Variants in LMO3 observed in about 807,000 individuals in gnomAD.
LMO3 encodes the protein LIM domain only 3.
LMO3 carries 2 observed loss-of-function variants against 15.8 expected under a neutral mutation model. The ratio of observed to expected loss-of-function variants is 0.13; its 90% CI spans 0.05 to 0.40. The LOEUF is 0.40. Among genes scored for constraint, LMO3 ranks in the 10% least tolerant of loss-of-function variants. The pLI is 0.99. For synonymous variants in LMO3, 62 were observed against 63.8 expected (o/e 0.97, Z 0.13); for missense variants, 86 against 182.2 (o/e 0.47, Z 3.04).
At position 16,582,084 on chromosome 12, in the gene LMO3, T is replaced by TTAAA. The variant is rs1310118001; in HGVS notation, c.206+18570_206+18571insTTTA. Among the ~76,000 whole-genome samples the TTAAA allele has an allele frequency of 6.6e-6, 1 of 152,190 alleles. No homozygotes were observed. Among genetic ancestry groups the TTAAA allele is most frequent in the Non-Finnish European group, 1.5e-5 (1 of 68,022 alleles). ...GGCTTTTTCTTGGCTTTAATGGAAATTACTTTAGTATTTAGCTGTTTTATA... is the reference window on the plus strand; with the variant it reads ...GGCTTTTTCTTGGCTTTAATGGAAATTAAATACTTTAGTATTTAGCTGTTTTATA... On this transcript the variant is annotated intron_variant, in intron 2 of 3. Coordinates refer to ENST00000537304, the MANE Select transcript of LMO3 (RefSeq NM_018640.5). The surrounding 1 kb of genome is among the most constrained non-coding windows in gnomAD (Gnocchi z 4.1).
chr12:16,578,589 G>A (rs1001033388), intron 2 of LMO3, among the ~76,000 whole-genome samples: 4 of 152,072 alleles, frequency 2.6e-5, no homozygotes, highest in Non-Finnish European at 2.9e-5. Flanking sequence ...AGGCTGAGGC[G>A]GGTGGATCAC....
chr12:16,564,647 A>G (rs151125572), intron 2 of LMO3, among the ~76,000 whole-genome samples: 20 of 152,310 alleles, frequency 1.3e-4, no homozygotes, highest in African/African-American at 4.8e-4. Context: ...CCTCCAAGCT[A>G]TGTAAAGCAT....
Position 16,576,386 on chromosome 12 carries a change from A to C in LMO3, c.207-15848T>G, listed in dbSNP as rs1379064061. On this transcript the variant is annotated intron_variant, in intron 2 of 3. Transcript: ENST00000537304. The surrounding 1 kb of genome is among the most constrained non-coding windows in gnomAD (Gnocchi z 4.1). ...CTACTTTCACACCTGATGTCCTACC[A>C]CTCCTGCCTGCTGAGTTCCTACTAA... Among the ~76,000 whole-genome samples the C allele has an allele frequency of 6.6e-6, 1 of 150,910 alleles. No individual in the cohort carries two copies. Among genetic ancestry groups the C allele is most frequent in the Non-Finnish European group, 1.5e-5 (1 of 67,672 alleles).
chr12:16,608,731 A>G (rs2137762908), upstream of LMO3: 1 of 152,166 alleles, frequency 6.6e-6, no homozygotes, highest in South Asian at 2.1e-4. This position sits in a 1 kb window ranked among gnomAD's most constrained non-coding sequence, Gnocchi z 4.1. Flanking sequence ...GGAGAGACAG[A>G]GGAGAGAGAG....
intron 2 of LMO3, chr12:16,573,608 C>T (rs1307625275): frequency 6.6e-6 from 1 of 152,112 alleles, no homozygotes; most frequent in African/African-American, 2.4e-5. Context: ...GAATCAATCC[C>T]ATGAAAGCAA....
At chr12:16,571,027 GTA>G (rs1204194602) in intron 2 of LMO3, among the ~76,000 whole-genome samples, 1 of 151,810 alleles carries the variant, frequency 6.6e-6, no homozygotes, top group Non-Finnish European at 1.5e-5. Flanking sequence ...AAAACTTAAA[GTA>G]TAATAATAAT....
In LMO3 at chr12:16,589,659, T is replaced by C. The variant is rs1424138387; in HGVS notation, c.206+10996A>G. ...TCACTGACAAGATTATTTCAGATTA[T>C]TTAAACACCAAGCAAACTATCAGGT... On this transcript the variant is annotated intron_variant, in intron 2 of 3. Coordinates refer to ENST00000537304, the MANE Select transcript of LMO3 (RefSeq NM_018640.5). The surrounding 1 kb of genome is among the most constrained non-coding windows in gnomAD (Gnocchi z 4.2). The C allele has an allele frequency of 1.3e-5, 2 of 152,070 alleles. No individual in the cohort carries two copies. Among genetic ancestry groups the C allele is most frequent in the African/African-American group, 4.8e-5 (2 of 41,406 alleles). The allele number at this position is 152,070 out of a possible 1,614,324, so 9.4% of individuals were successfully genotyped here.
At position 16,584,225 on chromosome 12, in the gene LMO3, G is replaced by C. The variant is rs1943249972; in HGVS notation, c.206+16430C>G. ...TGGAGGATGCATTTTTTAGTAGTGA[G>C]TGGGGAGAGTTATGTGTATCTAAGA... On this transcript the variant is annotated intron_variant, in intron 2 of 3. Transcript: ENST00000537304. The surrounding 1 kb of genome is among the most constrained non-coding windows in gnomAD (Gnocchi z 5.2). Among the ~76,000 whole-genome samples the C allele has an allele frequency of 6.6e-6, 1 of 152,134 alleles. No homozygotes were observed. Among genetic ancestry groups the C allele is most frequent in the Admixed American group, 6.6e-5 (1 of 15,258 alleles).
chr12:16,607,488 C>G (rs1252542842), upstream of LMO3: 2 of 151,150 alleles, frequency 1.3e-5, no homozygotes, highest in African/African-American at 2.4e-5. Context: ...TCTTAACTTT[C>G]CTTGGCATCT....
At position 16,550,140 on chromosome 12, in the gene LMO3, T is replaced by G. The variant is rs1385531633; in HGVS notation, c.*1082A>C. ...TTGCTCCGATCAAAAGTAACCTCAC[T>G]ACTCAAATACCATCATAGCTTCAAT... On this transcript the variant is annotated 3_prime_UTR_variant, in exon 4 of 4. Coordinates refer to ENST00000537304, the MANE Select transcript of LMO3 (RefSeq NM_018640.5). The G allele has an allele frequency of 6.6e-6, 1 of 152,078 alleles. No individual in the cohort carries two copies. Among genetic ancestry groups the G allele is most frequent in the East Asian group, 1.9e-4 (1 of 5,190 alleles). 9.4% of individuals were successfully genotyped at this position (152,078 alleles called of 1,614,324 possible).
rs533218918 is a variant in LMO3, at chr12:16,589,885, C to A, written c.206+10770G>T. Among the ~76,000 whole-genome samples, 1 of 152,060 alleles carries A rather than the reference C, an allele frequency of 6.6e-6. No individual in the cohort carries two copies. The highest frequency in any genetic ancestry group is 1.5e-5 in the Non-Finnish European group (1 of 67,990). Reference sequence around the variant, plus strand: ...GCAGACCACAGTAGGAATTAAGCCTCGTAAAGCTCTCTGGCTACTGTCTCC... The same window carrying A: ...GCAGACCACAGTAGGAATTAAGCCTAGTAAAGCTCTCTGGCTACTGTCTCC... On this transcript the variant is annotated intron_variant, in intron 2 of 3. Transcript: ENST00000537304. This position sits in a 1 kb window ranked among gnomAD's most constrained non-coding sequence, Gnocchi z 4.2.
At chr12:16,601,558 A>C (rs1423805416) in intron 1 of LMO3, among the ~76,000 whole-genome samples, 1 of 152,208 alleles carries the variant, frequency 6.6e-6, no homozygotes, top group African/African-American at 2.4e-5. Flanking sequence ...AGATTACTTA[A>C]CTATATACTA....
chr12:16,553,479 G>T (rs1453849044), intron 3 of LMO3, among the ~76,000 whole-genome samples: 1 of 152,076 alleles, frequency 6.6e-6, no homozygotes, highest in Non-Finnish European at 1.5e-5. Flanking sequence ...GAGGCAGAGC[G>T]AGAGAGAGAC....
In LMO3 at chr12:16,585,716, T is replaced by C. The variant is rs569892318; in HGVS notation, c.206+14939A>G. 1.1e-4 allele frequency among the ~76,000 whole-genome samples: 17 copies of C among 152,172 alleles called. No individual in the cohort carries two copies. The highest frequency in any genetic ancestry group is 4.1e-4 in the African/African-American group (17 of 41,524). ...CAGGTGATGTAAGCAGCTCCAAATA[T>C]AATAATAGAAAGGAAAATATGGGTG... On this transcript the variant is annotated intron_variant, in intron 2 of 3. Coordinates refer to ENST00000537304, the MANE Select transcript of LMO3 (RefSeq NM_018640.5). The surrounding 1 kb of genome is among the most constrained non-coding windows in gnomAD (Gnocchi z 4.7).
Position 16,586,388 on chromosome 12 carries a change from G to A in LMO3, c.206+14267C>T, listed in dbSNP as rs914413987. On this transcript the variant is annotated intron_variant, in intron 2 of 3. Coordinates refer to ENST00000537304, the MANE Select transcript of LMO3 (RefSeq NM_018640.5). The surrounding 1 kb of genome is among the most constrained non-coding windows in gnomAD (Gnocchi z 4.3). ...ACTGCATGGCTGTGGCAAGGAGAGC[G>A]GAGGATCCTAATCTTCCCCAGCAAG... 6.6e-6 allele frequency among the ~76,000 whole-genome samples: 1 copy of A among 152,100 alleles called. No individual in the cohort carries two copies. Among genetic ancestry groups the A allele is most frequent in the African/African-American group, 2.4e-5 (1 of 41,432 alleles).
intron 2 of LMO3, among the ~76,000 whole-genome samples, chr12:16,564,097 T>C (rs1443900098): frequency 6.6e-6 from 1 of 152,178 alleles, no homozygotes; most frequent in East Asian, 1.9e-4. Flanking sequence ...CCCAGAGATG[T>C]TTCTGTCCCC....
chr12:16,563,818 C>T (rs1271030140), intron 2 of LMO3, among the ~76,000 whole-genome samples: 1 of 152,122 alleles, frequency 6.6e-6, no homozygotes, highest in Admixed American at 6.6e-5. Flanking sequence ...AGCATACCAG[C>T]TTATACATTT....
chr12:16,554,612 C>T (rs554296170), intron 3 of LMO3, among the ~76,000 whole-genome samples: 1 of 152,310 alleles, frequency 6.6e-6, no homozygotes, highest in South Asian at 2.1e-4. Flanking sequence ...CCAAATCTTG[C>T]TATACATTAT....
At chr12:16,551,695 T>C (rs1163286062) in intron 3 of LMO3, among the ~76,000 whole-genome samples, 1 of 151,924 alleles carries the variant, frequency 6.6e-6, no homozygotes, top group Non-Finnish European at 1.5e-5. Context: ...AATGTTTCAC[T>C]GCAGTAATTA....
Sources: gnomAD v4.1 joint callset for allele counts (sites outside exome capture counted in the v4.1 genomes callset) on GRCh38, gnomAD v4.1.1 for gene constraint, Gnocchi (gnomAD v3.1) non-coding constraint, MANE v1.5 for transcripts, NCBI Gene and HGNC (gene_info 2026-07-23, HGNC 2026-07-21) for gene names.